Variants in C19orf38 observed in about 807,000 individuals in gnomAD.
The protein encoded by C19orf38 is chromosome 19 open reading frame 38, also known as protein HIDE1.
C19orf38 carries 14 observed loss-of-function variants against 26.6 expected under a neutral mutation model. That is an observed-to-expected ratio of 0.53 (90% CI 0.35 to 0.82). The LOEUF (loss-of-function observed/expected upper bound fraction) is 0.82. C19orf38 is among the 40% of genes least tolerant of loss of function. The probability of loss-of-function intolerance (pLI) is 0.01; values close to 1 mark genes in which losing one functional copy is unlikely to be tolerated. For synonymous variants in C19orf38, 132 were observed against 128.5 expected (o/e 1.03, Z -0.18); for missense variants, 261 against 299.5 (o/e 0.87, Z 0.95).
chr19:10,839,731 C>G (rs961767054), intron 1 of C19orf38, among the ~76,000 whole-genome samples: 1 of 132,424 alleles, frequency 7.6e-6, no homozygotes, highest in African/African-American at 2.8e-5. Flanking sequence ...TTCTTTTGTT[C>G]TTTTTTTTTT....
At chr19:10,863,075 T>C (rs1248590820) in intron 5 of C19orf38, 95 bp from the exon 6 acceptor site, 13 of 1,326,574 alleles carry the variant, frequency 9.8e-6, no homozygotes, top group African/African-American at 2.9e-5. Context: ...CCCCAATTGC[T>C]TCCCTGTGGG....
chr19:10,856,171 T>G, intron 2 of C19orf38, 94 bp from the exon 3 acceptor site: 2 of 942,968 alleles, frequency 2.1e-6, no homozygotes, highest in Non-Finnish European at 3.3e-6. Context: ...TTCATGTTCT[T>G]TGGTTGGGGG....
chr19:10,855,431 G>A (rs1400992512), intron 2 of C19orf38, among the ~76,000 whole-genome samples: 2 of 152,060 alleles, frequency 1.3e-5, no homozygotes, highest in Non-Finnish European at 1.5e-5. Flanking sequence ...TCCACTTCCC[G>A]GGTTCAAACT....
chr19:10,848,025 T>TC (rs1247274150), upstream of C19orf38, among the ~76,000 whole-genome samples: 33 of 152,070 alleles, frequency 2.2e-4, no homozygotes, highest in Admixed American at 9.2e-4. Flanking sequence ...ACCCCGTCTC[T>TC]ACTAAAAATA....
At chr19:10,855,282 C>T (rs1317959390) in intron 2 of C19orf38, among the ~76,000 whole-genome samples, 3 of 152,016 alleles carry the variant, frequency 2.0e-5, no homozygotes, top group Non-Finnish European at 4.4e-5. Context: ...ATCCACCCAC[C>T]TCAGTCTCCC....
chr19:10,862,825 T>C (rs532177636), intron 5 of C19orf38, among the ~76,000 whole-genome samples: 5 of 151,630 alleles, frequency 3.3e-5, no homozygotes, highest in South Asian at 2.1e-4. Flanking sequence ...TGAGACTCCT[T>C]CTCAAAAACA....
intron 3 of C19orf38, 111 bp downstream of exon 3, chr19:10,856,468 G>A (rs1347487212): frequency 1.4e-6 from 1 of 715,198 alleles, no homozygotes; most frequent in South Asian, 1.8e-5. Flanking sequence ...TCAGTAATTT[G>A]TTCATCACAC....
Position 10,848,437 on chromosome 19 carries a change from A to G in C19orf38, c.-72A>G. On this transcript the variant is annotated 5_prime_UTR_variant, in exon 1 of 7. Coordinates refer to ENST00000397820, the MANE Select transcript of C19orf38 (RefSeq NM_001136482.3). Reference sequence around the variant, plus strand: ...GTTCTCCTTTCCCCGATCTGGCCTCACAGGAGGAGTTGGCGGGGAGCCTTG... The same window carrying G: ...GTTCTCCTTTCCCCGATCTGGCCTCGCAGGAGGAGTTGGCGGGGAGCCTTG... The G allele has an allele frequency of 6.7e-7, 1 of 1,498,322 alleles. No individual in the cohort carries two copies. The highest frequency in any genetic ancestry group is 9.1e-7 in the Non-Finnish European group (1 of 1,099,186). The allele number at this position is 1,498,322 out of a possible 1,614,324, so 92.8% of individuals were successfully genotyped here.
intron 6 of C19orf38, among the ~76,000 whole-genome samples, chr19:10,868,625 TGCCTCAGCCTCCC>T (rs1391582025): frequency 2.1e-4 from 32 of 152,192 alleles, no homozygotes; most frequent in African/African-American, 7.5e-4. Flanking sequence ...GTGATTCTCC[TGCCTCAGCCTCCC>T]GAGTAGCTGG....
Position 10,848,579 on chromosome 19 carries a change from C to T in C19orf38, c.31+40C>T, listed in dbSNP as rs906878886. 7 of 1,192,410 alleles carry T rather than the reference C, an allele frequency of 5.9e-6. No individual in the cohort carries two copies. In the African/African-American group the frequency reaches 6.3e-5, roughly 11 times the overall value. 73.9% of individuals were successfully genotyped at this position (1,192,410 alleles called of 1,614,324 possible). A position where few individuals can be genotyped will look rare whatever the true frequency, so the allele number is the denominator to read the frequency against. ...CCCCTCTCAGATCCCCCACGCCTTT[C>T]CCCCCATCCTCTGTCCACCTTGCCG... is the stretch of plus-strand genomic sequence containing the variant. On this transcript the variant is annotated intron_variant, in intron 1 of 6. Coordinates refer to ENST00000397820, the MANE Select transcript of C19orf38 (RefSeq NM_001136482.3).
chr19:10,837,503 C>CTTTTTTTTT (rs958209460), intron 1 of C19orf38, among the ~76,000 whole-genome samples: 2 of 93,634 alleles, frequency 2.1e-5, no homozygotes, highest in African/African-American at 4.1e-5. Flanking sequence ...TTTTTTTTTC[C>CTTTTTTTTT]TTTTTTTTTT....
At chr19:10,857,355 TATATATATATA>T (rs1388107381) in intron 3 of C19orf38, among the ~76,000 whole-genome samples, 20 of 82,824 alleles carry the variant, frequency 2.4e-4, no homozygotes, top group African/African-American at 1.7e-3. Flanking sequence ...TATATATATA[TATATATATATA>T]TTTTTTTTTT....
At chr19:10,846,116 A>G (rs1174110286), upstream of C19orf38, among the ~76,000 whole-genome samples, 2 of 150,502 alleles carry the variant, frequency 1.3e-5, no homozygotes, top group East Asian at 4.1e-4. Flanking sequence ...CAGCAGGGTG[A>G]GGCTGCAGTG....
At chr19:10,850,054 G>A (rs975550563) in intron 1 of C19orf38, among the ~76,000 whole-genome samples, 11 of 151,902 alleles carry the variant, frequency 7.2e-5, no homozygotes, top group African/African-American at 1.9e-4. Flanking sequence ...GTGAGACTCC[G>A]ACTCACAAAA....
chr19:10,859,004 T>C (rs951251294), intron 4 of C19orf38, among the ~76,000 whole-genome samples: 32 of 150,900 alleles, frequency 2.1e-4, no homozygotes, highest in African/African-American at 7.3e-4. Context: ...TGGCCTGATC[T>C]CTGGCTCACC....
At chr19:10,861,494 CA>C (rs1214199686) in intron 5 of C19orf38, among the ~76,000 whole-genome samples, 1 of 152,220 alleles carries the variant, frequency 6.6e-6, no homozygotes, top group Non-Finnish European at 1.5e-5. Context: ...TGTCTGTCCA[CA>C]AGCCCATTCT....
In C19orf38 at chr19:10,869,396, C is replaced by T; in HGVS notation, c.*29C>T. 6.6e-7 allele frequency: 1 copy of T among 1,524,930 alleles called. No homozygotes were observed. The allele number at this position is 1,524,930 out of a possible 1,614,324, so 94.5% of individuals were successfully genotyped here. A position where few individuals can be genotyped will look rare whatever the true frequency, so the allele number is the denominator to read the frequency against. ...TGAGGACTGGGGGACCCCTCTGTCT[C>T]CAGGCATTCGGGGGCCTGAGGTCCC... On this transcript the variant is annotated 3_prime_UTR_variant, in exon 7 of 7. Coordinates refer to ENST00000397820, the MANE Select transcript of C19orf38 (RefSeq NM_001136482.3).
chr19:10,847,681 C>T (rs2073529637), upstream of C19orf38, among the ~76,000 whole-genome samples: 1 of 151,924 alleles, frequency 6.6e-6, no homozygotes. Context: ...ATGTCTACTA[C>T]TCTTAGCCCC....
upstream of C19orf38, among the ~76,000 whole-genome samples, chr19:10,845,186 A>T (rs1484320023): frequency 6.6e-6 from 1 of 151,746 alleles, no homozygotes; most frequent in Non-Finnish European, 1.5e-5. Flanking sequence ...CATGAGGATG[A>T]ATTCAATAAA....
Sources: gnomAD v4.1 joint callset for allele counts (sites outside exome capture counted in the v4.1 genomes callset) on GRCh38, gnomAD v4.1.1 for gene constraint, MANE v1.5 for transcripts, NCBI Gene and HGNC (gene_info 2026-07-23, HGNC 2026-07-21) for gene names.